MCTP2: variants seen among roughly 807,000 people sequenced by gnomAD.
The protein encoded by MCTP2 is multiple C2 and transmembrane domain-containing protein 2.
MCTP2 carries 132 observed loss-of-function variants against 111.6 expected under a neutral mutation model. The ratio of observed to expected loss-of-function variants is 1.18; its 90% CI spans 1.03 to 1.37. The LOEUF is 1.37. Ranked by LOEUF, MCTP2 falls within the 40% of genes most tolerant of loss-of-function variation. MCTP2 has a pLI of 0.00. For synonymous variants in MCTP2, 395 were observed against 387.7 expected, an observed-to-expected ratio of 1.02 and a Z score of -0.22; for missense variants, 1,183 against 1,067.9, an observed-to-expected ratio of 1.11 and a Z score of -1.50.
chr15:94,337,061 A>T (rs1206179536), intron 4 of MCTP2, among the ~76,000 whole-genome samples: 2 of 152,108 alleles, frequency 1.3e-5, no homozygotes, highest in African/African-American at 4.8e-5. Context: ...TGCATTCCTG[A>T]GTGGCCGACC....
rs1426937744 is a variant in MCTP2 at position 94,314,364 on chromosome 15, A to AC, written c.528+20_528+21insC. The AC allele has an allele frequency of 6.4e-7, 1 of 1,551,394 alleles. No homozygotes were observed. Among genetic ancestry groups the AC allele is most frequent in the South Asian group, 1.1e-5 (1 of 87,200 alleles). ...CAATCTGTGAGTGGCATTCCTTAAA[A>AC]AGAAACATTAAATGTTGTAGATATT... On this transcript the variant is annotated intron_variant, in intron 3 of 22. Coordinates refer to ENST00000357742, the MANE Select transcript of MCTP2 (RefSeq NM_001385001.1).
At chr15:94,311,396 CTTCTCTTT>C (rs988676760) in intron 2 of MCTP2, among the ~76,000 whole-genome samples, 6 of 152,038 alleles carry the variant, frequency 3.9e-5, no homozygotes, top group Non-Finnish European at 7.4e-5. Flanking sequence ...AATATTAATT[CTTCTCTTT>C]TTAATGAAAA....
rs149300868 is a variant in MCTP2 at position 94,335,758 on chromosome 15, T to A, written c.638-3532T>A. 9.2e-5 allele frequency among the ~76,000 whole-genome samples: 14 copies of A among 152,348 alleles called. 1 individual carries two copies. In the East Asian group the frequency reaches 2.7e-3, roughly 29 times the overall value. ...ATGCAATGAAAATATATTCAGTTAG[T>A]TTTTTAAAAAACAGTTGATCTACAT... On this transcript the variant is annotated intron_variant, in intron 4 of 22. Transcript: ENST00000357742.
chr15:94,479,088 C>A lies in MCTP2; in HGVS notation c.*54C>A. 6.5e-7 allele frequency: 1 copy of A among 1,547,410 alleles called. No homozygotes were observed. Among genetic ancestry groups the A allele is most frequent in the Non-Finnish European group, 8.9e-7 (1 of 1,119,894 alleles). The stretch of plus-strand genomic sequence containing the variant: ...CCAATATTGTGTTTGGTTGAGTAGA[C>A]CAATGTTATGGCTGTTTCAGTGGTA... On this transcript the variant is annotated 3_prime_UTR_variant, in exon 23 of 23. Coordinates refer to ENST00000357742, the MANE Select transcript of MCTP2 (RefSeq NM_001385001.1).
chr15:94,445,205 G>C (rs1029299344), intron 19 of MCTP2, among the ~76,000 whole-genome samples: 3 of 152,196 alleles, frequency 2.0e-5, no homozygotes, highest in African/African-American at 4.8e-5. Context: ...CATACCAGTT[G>C]TGCCAACCTG....
chr15:94,290,237 A>G (rs2074971159), intron 1 of MCTP2, among the ~76,000 whole-genome samples: 1 of 152,222 alleles, frequency 6.6e-6, no homozygotes, highest in Non-Finnish European at 1.5e-5. Context: ...GAAAAGTAAT[A>G]AATTTATCTT....
At chr15:94,424,506 G>T (rs1459401160) in intron 17 of MCTP2, among the ~76,000 whole-genome samples, 1 of 152,126 alleles carries the variant, frequency 6.6e-6, no homozygotes, top group East Asian at 1.9e-4. Flanking sequence ...CTGGGGATGG[G>T]ACTTAGCAAT....
At chr15:94,245,275 C>CACATATGTATATATACATATGT (rs1491096457) in intron 1 of MCTP2, among the ~76,000 whole-genome samples, 1 of 130,252 alleles carries the variant, frequency 7.7e-6, no homozygotes, top group Non-Finnish European at 1.7e-5. Flanking sequence ...TGTGTATATA[C>CACATATGTATATATACATATGT]GTATATACAC....
intron 17 of MCTP2, chr15:94,402,684 G>A (rs1307152103): frequency 2.5e-5 from 37 of 1,479,554 alleles, no homozygotes; most frequent in Non-Finnish European, 3.1e-5. Context: ...ATATCTCAGG[G>A]CATTTTCTCT....
At chr15:94,279,760 C>A (rs2074385644) in intron 1 of MCTP2, among the ~76,000 whole-genome samples, 1 of 151,564 alleles carries the variant, frequency 6.6e-6, no homozygotes, top group African/African-American at 2.4e-5. Context: ...TTGCTGCTCT[C>A]TTTTTATTTA....
intron 12 of MCTP2, among the ~76,000 whole-genome samples, chr15:94,374,896 A>G (rs1458370785): frequency 2.0e-5 from 3 of 152,200 alleles, no homozygotes; most frequent in Admixed American, 2.0e-4. Flanking sequence ...GAAGTGACAT[A>G]ACAGCACAAC....
intron 4 of MCTP2, among the ~76,000 whole-genome samples, chr15:94,330,846 G>C (rs11633512): frequency 0.43 from 65,476 of 150,824 alleles, 14,345 homozygotes; most frequent in Admixed American, 0.5. Context: ...GCAGTCCCCC[G>C]ACTTTAGCCC....
intron 1 of MCTP2, among the ~76,000 whole-genome samples, chr15:94,266,328 G>C (rs977060252): frequency 6.6e-6 from 1 of 152,044 alleles, no homozygotes; most frequent in Admixed American, 6.6e-5. Context: ...TTTTTGACTC[G>C]TTTGTATTTT....
intron 7 of MCTP2, chr15:94,343,243 T>A (rs2077762748): frequency 6.6e-6 from 1 of 152,060 alleles, no homozygotes. Flanking sequence ...ATTATCAGAA[T>A]CTTTGTTCTT....
At chr15:94,257,566 GTTGTTTTTTTTTTTTTTTTTTTTTTTTT>G (rs1361121190) in intron 1 of MCTP2, among the ~76,000 whole-genome samples, 2,018 of 73,008 alleles carry the variant, frequency 0.028, 68 homozygotes, top group African/African-American at 0.096. Flanking sequence ...CATTTTCTTT[GTTGTTTTTTTTTTTTTTTTTTTTTTTTT>G]TTTTTTTTTT....
chr15:94,239,891 T>G (rs2070815111), intron 1 of MCTP2, among the ~76,000 whole-genome samples: 1 of 152,224 alleles, frequency 6.6e-6, no homozygotes, highest in South Asian at 2.1e-4. Flanking sequence ...GGTGTGGCCC[T>G]GATCAGTAAT....
intron 1 of MCTP2, among the ~76,000 whole-genome samples, chr15:94,239,124 G>A (rs1255754434): frequency 1.3e-5 from 2 of 152,008 alleles, no homozygotes; most frequent in Non-Finnish European, 1.5e-5. Flanking sequence ...TAAGGTGGTG[G>A]TTGGGGAACT....
chr15:94,454,517 T>C (rs951066373), intron 19 of MCTP2, among the ~76,000 whole-genome samples: 2 of 152,194 alleles, frequency 1.3e-5, no homozygotes, highest in Admixed American at 1.3e-4. Flanking sequence ...TTCTCTTCTT[T>C]ACCCGTCATC....
At chr15:94,234,641 A>C (rs2070415352) in intron 1 of MCTP2, among the ~76,000 whole-genome samples, 2 of 152,236 alleles carry the variant, frequency 1.3e-5, no homozygotes, top group African/African-American at 4.8e-5. Context: ...TGTCCAACGA[A>C]CAATTCTGAG....
Sources: allele counts gnomAD v4.1 joint callset (sites outside exome capture counted in the v4.1 genomes callset), GRCh38; gene constraint gnomAD v4.1.1; transcripts MANE v1.5; gene names NCBI Gene and HGNC (gene_info 2026-07-23, HGNC 2026-07-21).